The following REG4 variants were observed in gnomAD, a reference collection of about 807,000 sequenced individuals.
REG4 encodes regenerating islet-derived protein 4.
REG4 carries 16 observed loss-of-function variants against 22.3 expected under a neutral mutation model. That is an observed-to-expected ratio of 0.72 (90% confidence interval 0.49 to 1.09). The LOEUF is 1.09. Ranked by LOEUF, REG4 falls within the 50% of genes least tolerant of loss-of-function variation. The probability of loss-of-function intolerance (pLI) is 0.00; values close to 1 mark genes in which losing one functional copy is unlikely to be tolerated. For synonymous variants in REG4, 71 were observed against 69.2 expected (o/e 1.03, Z -0.13); for missense variants, 214 against 193.9 (o/e 1.10, Z -0.61).
intron 2 of REG4, 150 bp from the exon 3 acceptor site, chr1:119,803,315 CCTT>C (rs1199934933): frequency 7.9e-6 from 6 of 757,050 alleles, no homozygotes; most frequent in Non-Finnish European, 1.2e-5. Context: ...TACAGCTTAC[CCTT>C]CTTCTGGCTT....
intron 5 of REG4, among the ~76,000 whole-genome samples, chr1:119,795,105 A>G (rs981748066): frequency 2.6e-5 from 4 of 152,198 alleles, no homozygotes; most frequent in African/African-American, 4.8e-5. Flanking sequence ...GCATGAGCCA[A>G]TTCCTCAAAG....
chr1:119,800,752 G>T (rs941542168), intron 3 of REG4, among the ~76,000 whole-genome samples: 1 of 152,176 alleles, frequency 6.6e-6, no homozygotes. Context: ...CAGAGGAGAG[G>T]AGACTGCTCC....
At chr1:119,799,149 A>G (rs890541396) in intron 4 of REG4, among the ~76,000 whole-genome samples, 1 of 152,150 alleles carries the variant, frequency 6.6e-6, no homozygotes, top group Non-Finnish European at 1.5e-5. Flanking sequence ...TGAGTCAACT[A>G]AAGAAGCCCC....
At chr1:119,804,033 C>T (rs1654211147) in intron 2 of REG4, among the ~76,000 whole-genome samples, 1 of 152,118 alleles carries the variant, frequency 6.6e-6, no homozygotes, top group Non-Finnish European at 1.5e-5. Context: ...TGTGCCATGT[C>T]ACTGAATCTG....
At chr1:119,797,883 C>T (rs1346734254) in intron 5 of REG4, among the ~76,000 whole-genome samples, 1 of 152,080 alleles carries the variant, frequency 6.6e-6, no homozygotes, top group Non-Finnish European at 1.5e-5. Flanking sequence ...AAGAAGTATC[C>T]AGCCCAAGAT....
In REG4 at chr1:119,798,525, C is replaced by T; in HGVS notation, c.381G>A (p.Lys127=). The change falls in exon 5 of 6, where the codon AAG becomes AAA. Residue 127 remains lysine (K), a synonymous_variant. Coordinates refer to ENST00000256585, the MANE Select transcript of REG4 (RefSeq NM_032044.4). ...SWSGKSMGGN[K]HCAEMSSNNN... is the part of the protein sequence containing the mutation. Reference sequence around the variant, plus strand: ...TATTGGAGCTCATCTCAGCACAGTGCTTGTTCCCACCCATGGACTTGCCAG... The same window carrying T: ...TATTGGAGCTCATCTCAGCACAGTGTTTGTTCCCACCCATGGACTTGCCAG... 7 of 1,614,134 alleles carry T rather than the reference C, an allele frequency of 4.3e-6. No individual in the cohort carries two copies. Among genetic ancestry groups the T allele is most frequent in the Non-Finnish European group, 5.9e-6 (7 of 1,179,982 alleles).
chr1:119,801,908 ATCC>A (rs765797551), intron 3 of REG4: 2 of 152,204 alleles, frequency 1.3e-5, no homozygotes, highest in Non-Finnish European at 2.9e-5. Flanking sequence ...GTTTTAATGA[ATCC>A]TCCTGACAAG....
intron 2 of REG4, among the ~76,000 whole-genome samples, chr1:119,805,965 C>G (rs587720986): frequency 6.6e-6 from 1 of 152,308 alleles, no homozygotes; most frequent in African/African-American, 2.4e-5. Flanking sequence ...CTACCCCACT[C>G]CCATCGCCCA....
intron 3 of REG4, chr1:119,802,496 G>A: frequency 1.9e-6 from 2 of 1,036,834 alleles, no homozygotes; most frequent in Non-Finnish European, 1.2e-6. Context: ...CAATTCAGCA[G>A]CATCCACTCC....
At chr1:119,811,281 C>T (rs143388902) in intron 1 of REG4, 128 bp downstream of exon 1, 1 of 152,322 alleles carries the variant, frequency 6.6e-6, no homozygotes, top group Non-Finnish European at 1.5e-5. Flanking sequence ...AATCAAACAA[C>T]ACAGCAACAG....
rs115301980 is a variant in REG4 at position 119,794,361 on chromosome 1, G to A, written c.*257C>T. 1,974 of 593,368 alleles carry A rather than the reference G, an allele frequency of 3.3e-3. 32 individuals carry two copies. Among genetic ancestry groups the A allele is most frequent in the African/African-American group, 0.03 (1,604 of 53,792 alleles). The allele number at this position is 593,368 out of a possible 1,614,324, so 36.8% of individuals were successfully genotyped here. Reference sequence around the variant, plus strand: ...GGAGATGCACTCTTCTAGACTGCTCGAGACAGCCAGAGACAGGGGAGGAGG... The same window carrying A: ...GGAGATGCACTCTTCTAGACTGCTCAAGACAGCCAGAGACAGGGGAGGAGG... On this transcript the variant is annotated 3_prime_UTR_variant, in exon 6 of 6. Transcript: ENST00000256585.
intron 2 of REG4, among the ~76,000 whole-genome samples, chr1:119,803,447 G>T (rs1050535916): frequency 4.6e-5 from 7 of 152,192 alleles, no homozygotes; most frequent in African/African-American, 1.7e-4. Context: ...AGTCAGAGTA[G>T]GGGTTATGGA....
chr1:119,811,209 A>G lies in REG4; in HGVS notation c.-95+200T>C, dbSNP rs188529251. On this transcript the variant is annotated intron_variant, in intron 1 of 5. Coordinates refer to ENST00000256585, the MANE Select transcript of REG4 (RefSeq NM_032044.4). ...GACTGCAGAGCCAAGATTTAACCCAACAGCTTGACACCAAAGCCAATGCTC... is the reference window on the plus strand; with the variant it reads ...GACTGCAGAGCCAAGATTTAACCCAGCAGCTTGACACCAAAGCCAATGCTC... Among the ~76,000 whole-genome samples, 169 of 152,354 alleles carry G rather than the reference A, an allele frequency of 1.1e-3. 1 individual carries two copies. Among genetic ancestry groups the G allele is most frequent in the Non-Finnish European group, 1.2e-4 (8 of 68,026 alleles).
chr1:119,802,181 G>C (rs1408792567), intron 3 of REG4: 2 of 238,996 alleles, frequency 8.4e-6, no homozygotes, highest in African/African-American at 2.3e-5. Flanking sequence ...TCAGGACTCA[G>C]CTCAGACTTT....
intron 2 of REG4, among the ~76,000 whole-genome samples, chr1:119,805,472 ACCCTCTAC>A (rs1654274812): frequency 6.6e-6 from 1 of 151,902 alleles, no homozygotes; most frequent in South Asian, 2.1e-4. Flanking sequence ...GTTAGGACAG[ACCCTCTAC>A]CACCACGGTC....
Position 119,798,500 on chromosome 1 carries a change from T to C in REG4, c.406A>G (p.Asn136Asp), listed in dbSNP as rs1176172083. The C allele has an allele frequency of 6.2e-7, 1 of 1,612,676 alleles. No homozygotes were observed. The highest frequency in any genetic ancestry group is 2.2e-5 in the East Asian group (1 of 44,874). Residue 136 changes from asparagine to aspartate, a missense_variant, in exon 5 of 6, where the codon AAC becomes GAC. Coordinates refer to ENST00000256585, the MANE Select transcript of REG4 (RefSeq NM_032044.4). The stretch of plus-strand genomic sequence containing the variant: ...GGGGTGGTGCATTATAACTTACTGT[T>C]ATTGGAGCTCATCTCAGCACAGTGC... ...NKHCAEMSSN[N>D]NFLTWSSNEC... is the part of the protein sequence containing the mutation.
chr1:119,794,096 C>G lies in REG4; in HGVS notation c.*522G>C. ...GGAACACAGCAACCTCTTATGTACACAATGGTTTATTAAAGGAATGTATGG... is the reference window on the plus strand; with the variant it reads ...GGAACACAGCAACCTCTTATGTACAGAATGGTTTATTAAAGGAATGTATGG... On this transcript the variant is annotated 3_prime_UTR_variant, in exon 6 of 6. Transcript: ENST00000256585. 1.9e-6 allele frequency: 1 copy of G among 533,082 alleles called. No individual in the cohort carries two copies. Among genetic ancestry groups the G allele is most frequent in the South Asian group, 1.4e-5 (1 of 71,528 alleles). 33.0% of individuals were successfully genotyped at this position (533,082 alleles called of 1,614,324 possible). A position where few individuals can be genotyped will look rare whatever the true frequency, so the allele number is the denominator to read the frequency against.
At chr1:119,811,114 G>A (rs989027049) in intron 1 of REG4, among the ~76,000 whole-genome samples, 1 of 152,010 alleles carries the variant, frequency 6.6e-6, no homozygotes, top group African/African-American at 2.4e-5. Context: ...TAGATCTCAT[G>A]AATGCATGTT....
At chr1:119,804,888 C>G (rs1368134206) in intron 2 of REG4, among the ~76,000 whole-genome samples, 2 of 152,126 alleles carry the variant, frequency 1.3e-5, no homozygotes, top group Non-Finnish European at 2.9e-5. Flanking sequence ...CCTTTCTGCC[C>G]CTCACCCTGC....
Sources: allele counts gnomAD v4.1 joint callset (sites outside exome capture counted in the v4.1 genomes callset), GRCh38; gene constraint gnomAD v4.1.1; transcripts MANE v1.5; gene names NCBI Gene and HGNC (gene_info 2026-07-23, HGNC 2026-07-21).